Variants in KCNH7 observed in about 807,000 individuals in gnomAD.
KCNH7 encodes the protein voltage-gated inwardly rectifying potassium channel KCNH7.
In KCNH7, 49 loss-of-function variants were observed where a neutral mutation model predicts 120.8. The observed-to-expected ratio is 0.41, with a 90% CI of 0.32 to 0.51. KCNH7 has a LOEUF of 0.51. Among genes scored for constraint, KCNH7 ranks in the 20% least tolerant of loss-of-function variants. The pLI is 0.38. For missense variants in KCNH7, 1,097 were observed against 1,446.6 expected (o/e 0.76, Z 3.92); for synonymous variants, 547 against 516.1 (o/e 1.06, Z -0.81).
At chr2:162,378,190 AT>A (rs1207770464) in intron 14 of KCNH7, among the ~76,000 whole-genome samples, 1 of 152,228 alleles carries the variant, frequency 6.6e-6, no homozygotes, top group African/African-American at 2.4e-5. Flanking sequence ...TGTATAGCAT[AT>A]GTAGTTCCCA....
intron 2 of KCNH7, among the ~76,000 whole-genome samples, chr2:162,552,943 C>T (rs912809201): frequency 6.6e-6 from 1 of 152,132 alleles, no homozygotes; most frequent in African/African-American, 2.4e-5. Context: ...AGAGGAAAAC[C>T]CAGTCACACC....
chr2:162,694,477 AGTGTGTGTGTGTGTGT>A (rs71009366), intron 2 of KCNH7, among the ~76,000 whole-genome samples: 3 of 146,302 alleles, frequency 2.1e-5, no homozygotes, highest in Non-Finnish European at 4.6e-5. Context: ...TGTGTGAAAG[AGTGTGTGTGTGTGTGT>A]GTGTGTGTGT....
chr2:162,548,677 TTTAATTGCCAGGAG>T (rs1176635372), intron 2 of KCNH7, among the ~76,000 whole-genome samples: 2 of 152,178 alleles, frequency 1.3e-5, no homozygotes, highest in African/African-American at 4.8e-5. Context: ...TAAAGCCTGC[TTTAATTGCCAGGAG>T]TTAATTCCTG....
intron 3 of KCNH7, among the ~76,000 whole-genome samples, chr2:162,530,409 T>G (rs1406986132): frequency 6.6e-6 from 1 of 151,994 alleles, no homozygotes; most frequent in African/African-American, 2.4e-5. Context: ...CAACAACCTT[T>G]TTCTTATTAC....
rs1036864610 is a variant in KCNH7, at chr2:162,536,797, C to G, written c.463+128G>C. ...AAAGGTAACATGAGCTAATGGCTTACTCATGTCAAATTATTTTACTTCAAA... is the reference window on the plus strand; with the variant it reads ...AAAGGTAACATGAGCTAATGGCTTAGTCATGTCAAATTATTTTACTTCAAA... On this transcript the variant is annotated intron_variant, in intron 3 of 15. Transcript: ENST00000332142. 3.0e-6 allele frequency: 3 copies of G among 987,068 alleles called. No homozygotes were observed. In the African/African-American group the frequency reaches 4.9e-5, roughly 16 times the overall value. The allele number at this position is 987,068 out of a possible 1,614,324, so 61.1% of individuals were successfully genotyped here.
rs959940033 is a variant in KCNH7 at position 162,639,013 on chromosome 2, C to A, written c.308-101933G>T. Among the ~76,000 whole-genome samples the A allele has an allele frequency of 5.9e-5, 9 of 152,190 alleles. No individual in the cohort carries two copies. The East Asian group carries it at 1.7e-3, about 29-fold the overall frequency. ...ATGCTGTCTTGTGCATTGTAGGATG[C>A]CTAGCACAATCCTTGGCCTCTGCCT... is the stretch of plus-strand genomic sequence containing the variant. On this transcript the variant is annotated intron_variant, in intron 2 of 15. Transcript: ENST00000332142.
Position 162,385,005 on chromosome 2 carries a change from T to C in KCNH7, c.2711-66A>G, listed in dbSNP as rs114469088. 1,266 of 1,256,730 alleles carry C rather than the reference T, an allele frequency of 1.0e-3. 13 individuals carry two copies. The African/African-American group carries it at 0.017, about 17-fold the overall frequency. 77.8% of individuals were successfully genotyped at this position (1,256,730 alleles called of 1,614,324 possible). ...ACAATTAAATGTGAGACGGTATGCATATTACACTACCTAGCTATATATATA... is the reference window on the plus strand; with the variant it reads ...ACAATTAAATGTGAGACGGTATGCACATTACACTACCTAGCTATATATATA... On this transcript the variant is annotated intron_variant, in intron 12 of 15. Coordinates refer to ENST00000332142, the MANE Select transcript of KCNH7 (RefSeq NM_033272.4).
chr2:162,464,799 T>G (rs955356701), intron 6 of KCNH7, among the ~76,000 whole-genome samples: 3 of 152,056 alleles, frequency 2.0e-5, no homozygotes, highest in Non-Finnish European at 2.9e-5. Flanking sequence ...TAATTTTACC[T>G]TACTGATAAA....
At chr2:162,624,545 C>G (rs935728423) in intron 2 of KCNH7, among the ~76,000 whole-genome samples, 1 of 152,126 alleles carries the variant, frequency 6.6e-6, no homozygotes. Context: ...CATTAACCAC[C>G]AGACAATGCC....
intron 13 of KCNH7, among the ~76,000 whole-genome samples, chr2:162,383,258 A>T (rs1686476727): frequency 6.6e-6 from 1 of 151,974 alleles, no homozygotes; most frequent in Non-Finnish European, 1.5e-5. Context: ...AGCTCTTCAG[A>T]ACTTGTGACT....
chr2:162,422,477 T>G (rs146977998), intron 9 of KCNH7, among the ~76,000 whole-genome samples: 5 of 152,292 alleles, frequency 3.3e-5, no homozygotes, highest in African/African-American at 1.2e-4. Flanking sequence ...AGCCACCATA[T>G]TTTTATTCTT....
At chr2:162,444,289 C>T (rs1205741024) in intron 7 of KCNH7, among the ~76,000 whole-genome samples, 2 of 152,148 alleles carry the variant, frequency 1.3e-5, no homozygotes, top group Admixed American at 6.5e-5. Context: ...AGGACAGTGG[C>T]TGTCACTTTG....
intron 7 of KCNH7, among the ~76,000 whole-genome samples, chr2:162,444,198 C>T (rs571732991): frequency 1.3e-5 from 2 of 152,284 alleles, no homozygotes; most frequent in Admixed American, 6.5e-5. Flanking sequence ...CTGCCATCCC[C>T]TACCCCTCTT....
chr2:162,822,632 G>GA (rs1235682876), intron 2 of KCNH7, among the ~76,000 whole-genome samples: 1 of 152,188 alleles, frequency 6.6e-6, no homozygotes, highest in Non-Finnish European at 1.5e-5. Context: ...TTGGTTAAGA[G>GA]AATGTGTCTA....
chr2:162,657,632 G>T (rs1387293329), intron 2 of KCNH7, among the ~76,000 whole-genome samples: 1 of 152,064 alleles, frequency 6.6e-6, no homozygotes, highest in Non-Finnish European at 1.5e-5. Flanking sequence ...TATGAATAAA[G>T]ATGCTATAAA....
chr2:162,510,246 G>A (rs1370947590), intron 5 of KCNH7, among the ~76,000 whole-genome samples: 1 of 151,532 alleles, frequency 6.6e-6, no homozygotes, highest in Non-Finnish European at 1.5e-5. Context: ...TTATTAAAGG[G>A]AAACGAAATA....
chr2:162,666,973 T>C (rs1430013598), intron 2 of KCNH7, among the ~76,000 whole-genome samples: 1 of 151,860 alleles, frequency 6.6e-6, no homozygotes, highest in Non-Finnish European at 1.5e-5. Flanking sequence ...TCCATTCCAC[T>C]CTTTCGTCAG....
At chr2:162,469,259 C>T (rs1190584964) in intron 6 of KCNH7, among the ~76,000 whole-genome samples, 1 of 152,200 alleles carries the variant, frequency 6.6e-6, no homozygotes. Flanking sequence ...TAAACCAACA[C>T]ATTTGAGAGC....
chr2:162,576,906 C>CA (rs1693689661), intron 2 of KCNH7, among the ~76,000 whole-genome samples: 1 of 151,464 alleles, frequency 6.6e-6, no homozygotes, highest in African/African-American at 2.4e-5. Context: ...TCTTTTTCTT[C>CA]TTTATTTATT....
Sources: allele counts gnomAD v4.1 joint callset (sites outside exome capture counted in the v4.1 genomes callset), GRCh38; gene constraint gnomAD v4.1.1; transcripts MANE v1.5; gene names NCBI Gene and HGNC (gene_info 2026-07-23, HGNC 2026-07-21).